The following TUT7 variants were observed in gnomAD, a reference collection of about 807,000 sequenced individuals.
TUT7 encodes the protein terminal uridylyl transferase 7, also known as terminal uridylyltransferase 7.
Under a neutral mutation model 165.9 loss-of-function variants are expected in TUT7, and 33 were observed. The observed-to-expected ratio is 0.20, with a 90% confidence interval of 0.15 to 0.27. TUT7 has a LOEUF of 0.27. Among genes scored for constraint, TUT7 ranks in the 10% least tolerant of loss-of-function variants. The pLI is 1.00. For synonymous variants in TUT7, 552 were observed against 608.1 expected (o/e 0.91, Z 1.36); for missense variants, 1,338 against 1,762.3 (o/e 0.76, Z 4.31).
intron 5 of TUT7, 62 bp downstream of exon 5, chr9:86,344,913 TTG>T: frequency 7.4e-7 from 1 of 1,349,002 alleles, no homozygotes; most frequent in Middle Eastern, 2.0e-4. Flanking sequence ...AAAATTACTA[TTG>T]GTAGGAGAAA....
intron 1 of TUT7, among the ~76,000 whole-genome samples, chr9:86,353,495 G>C (rs1459672169): frequency 6.6e-6 from 1 of 152,006 alleles, no homozygotes; most frequent in Non-Finnish European, 1.5e-5. Flanking sequence ...AGCTCTATAG[G>C]TTCCAGAACT....
intron 17 of TUT7, among the ~76,000 whole-genome samples, chr9:86,315,863 C>T (rs1019299286): frequency 2.0e-5 from 3 of 151,636 alleles, no homozygotes; most frequent in Non-Finnish European, 4.4e-5. Flanking sequence ...TGGGAATAAA[C>T]CAAAATTAAG....
intron 12 of TUT7, among the ~76,000 whole-genome samples, chr9:86,324,891 G>C (rs934118698): frequency 6.6e-6 from 1 of 152,186 alleles, no homozygotes; most frequent in East Asian, 1.9e-4. Flanking sequence ...CTCTCTACTG[G>C]AGAGGAATCC....
intron 26 of TUT7, among the ~76,000 whole-genome samples, chr9:86,294,222 A>AAG (rs1299321229): frequency 6.6e-6 from 1 of 151,588 alleles, no homozygotes; most frequent in Non-Finnish European, 1.5e-5. Flanking sequence ...TTTACAAAAG[A>AAG]AAGGCGTATC....
intron 17 of TUT7, among the ~76,000 whole-genome samples, chr9:86,315,445 G>A (rs1463357983): frequency 1.3e-5 from 2 of 152,158 alleles, no homozygotes; most frequent in African/African-American, 4.8e-5. Flanking sequence ...GCAAAAGATG[G>A]AATGATGAAT....
chr9:86,343,338 CTTAAT>C (rs1363197777), intron 5 of TUT7, among the ~76,000 whole-genome samples, 175 bp from the exon 6 acceptor site: 9 of 152,148 alleles, frequency 5.9e-5, no homozygotes, highest in Non-Finnish European at 7.4e-5. Context: ...TTGCTCTTCA[CTTAAT>C]TTAATAGGGA....
At chr9:86,308,347 G>C in intron 22 of TUT7, 82 bp downstream of exon 22, 1 of 1,286,590 alleles carries the variant, frequency 7.8e-7, no homozygotes, top group Non-Finnish European at 1.1e-6. Context: ...GCAGCTGGAA[G>C]AGCTCTGCAA....
rs1245079995 is a variant in TUT7, at chr9:86,310,724, G to A, written c.3360C>T (p.Ile1120=). 1.2e-6 allele frequency: 2 copies of A among 1,606,234 alleles called. No individual in the cohort carries two copies. Among genetic ancestry groups the A allele is most frequent in the Non-Finnish European group, 8.5e-7 (1 of 1,172,924 alleles). ...ATCTTACCAATGTGTTATACAAACT[G>A]ATATCTACTTCCAGACCACTTCTCA... ...FHLRSGLEVD[I]SLYNTLALHN... is the part of the protein sequence containing the mutation. The change falls in exon 18 of 27, where the codon ATC becomes ATT. Residue 1120 remains isoleucine, a synonymous_variant. Coordinates refer to ENST00000375963, the MANE Select transcript of TUT7 (RefSeq NM_024617.4).
chr9:86,301,699 G>C (rs1826921514), intron 25 of TUT7, 98 bp from the exon 26 acceptor site: 1 of 1,512,248 alleles, frequency 6.6e-7, no homozygotes, highest in Non-Finnish European at 8.8e-7. Flanking sequence ...AGATTTAAGA[G>C]ATGACCAGGA....
At chr9:86,314,114 G>C (rs1828489472) in intron 17 of TUT7, among the ~76,000 whole-genome samples, 1 of 152,112 alleles carries the variant, frequency 6.6e-6, no homozygotes, top group Admixed American at 6.5e-5. Flanking sequence ...TGACTTTTTG[G>C]GATTGCACAG....
At position 86,341,170 on chromosome 9, in the gene TUT7, CAAAGT is replaced by C. The variant is rs910812925; in HGVS notation, c.1087-122_1087-118del. ...CTAAATGAGAAATGCACATTGCTAT[CAAAGT>C]AAAGAAATTACTCACTATGTTGTTT... On this transcript the variant is annotated intron_variant, in intron 6 of 26. Coordinates refer to ENST00000375963, the MANE Select transcript of TUT7 (RefSeq NM_024617.4). The C allele has an allele frequency of 8.6e-6, 7 of 812,872 alleles. No individual in the cohort carries two copies. The African/African-American group carries it at 1.2e-4, about 14-fold the overall frequency. The allele number at this position is 812,872 out of a possible 1,614,324, so 50.4% of individuals were successfully genotyped here. A position where few individuals can be genotyped will look rare whatever the true frequency, so the allele number is the denominator to read the frequency against.
chr9:86,309,100 C>T lies in TUT7; in HGVS notation c.3660+112G>A, dbSNP rs1454496637. The T allele has an allele frequency of 4.2e-5, 28 of 672,400 alleles. 1 individual carries two copies. The highest frequency in any genetic ancestry group is 5.1e-6 in the Non-Finnish European group (2 of 391,930). The allele number at this position is 672,400 out of a possible 1,614,324, so 41.7% of individuals were successfully genotyped here. A position where few individuals can be genotyped will look rare whatever the true frequency, so the allele number is the denominator to read the frequency against. On this transcript the variant is annotated intron_variant, in intron 21 of 26. Coordinates refer to ENST00000375963, the MANE Select transcript of TUT7 (RefSeq NM_024617.4). ...CTGAAAACACTATTTTTTTTACTAT[C>T]ATAAGATATATAAATACAACAAGCA...
At chr9:86,319,203 A>G (rs1829001763) in intron 15 of TUT7, 145 bp from the exon 16 acceptor site, 1 of 596,042 alleles carries the variant, frequency 1.7e-6, no homozygotes, top group Non-Finnish European at 2.9e-6. Context: ...TTAACTGGTC[A>G]TTTATGCTAA....
chr9:86,323,755 T>C lies in TUT7; in HGVS notation c.1995A>G (p.Gln665=). ...KEVINHHPDV[Q]TKDDKLKNSV... ...AGTTTTTGAGCTTATCATCTTTTGT[T>C]TGTACATCTGGATGATGATTTATTA... The change falls in exon 13 of 27, where the codon CAA becomes CAG. Residue 665 remains glutamine, a synonymous_variant. Transcript: ENST00000375963. 1.2e-6 allele frequency: 2 copies of C among 1,613,684 alleles called. No homozygotes were observed. Among genetic ancestry groups the C allele is most frequent in the Admixed American group, 1.7e-5 (1 of 59,952 alleles).
rs756546971 is a variant in TUT7 at position 86,301,599 on chromosome 9, A to G, written c.4097T>C (p.Val1366Ala). 5.0e-6 allele frequency: 8 copies of G among 1,611,028 alleles called. No homozygotes were observed. The highest frequency in any genetic ancestry group is 1.7e-6 in the Non-Finnish European group (2 of 1,179,326). ...FMKDCPMRRK[V>A]RRRRDQEDAL... Reference sequence around the variant, plus strand: ...ATCTTCCTGATCTCGCCGCCGTCTTACTCTGTAGAAGATATCATATTAGTA... The same window carrying G: ...ATCTTCCTGATCTCGCCGCCGTCTTGCTCTGTAGAAGATATCATATTAGTA... The change falls in exon 26 of 27, where the codon GTA (valine) becomes GCA (alanine). Residue 1366 changes from valine to alanine, a missense_variant and splice_region_variant. Physicochemically the swap from Val to Ala is moderately conservative, Grantham distance 64. Coordinates refer to ENST00000375963, the MANE Select transcript of TUT7 (RefSeq NM_024617.4).
At position 86,312,522 on chromosome 9, in the gene TUT7, C is replaced by T. The variant is rs572738167; in HGVS notation, c.3275-1713G>A. ...CAGTCCCCCGCCCGGCCAGCTGCCC[C>T]GTCTGGGAGGTGAGGGGCGCCTCTG... On this transcript the variant is annotated intron_variant, in intron 17 of 26. Transcript: ENST00000375963. Among the ~76,000 whole-genome samples, 751 of 151,924 alleles carry T rather than the reference C, an allele frequency of 4.9e-3. 4 individuals carry two copies. Among genetic ancestry groups the T allele is most frequent in the African/African-American group, 0.017 (716 of 41,416 alleles).
chr9:86,303,056 C>A, intron 25 of TUT7, 30 bp downstream of exon 25: 1 of 1,121,502 alleles, frequency 8.9e-7, no homozygotes, highest in Non-Finnish European at 1.3e-6. Context: ...AAAATAAAAA[C>A]ACAACCAACC....
chr9:86,348,936 T>C (rs371566789), intron 2 of TUT7, among the ~76,000 whole-genome samples: 3 of 152,156 alleles, frequency 2.0e-5, no homozygotes, highest in African/African-American at 4.8e-5. Flanking sequence ...TGGTAAAAAC[T>C]GTCAAAATCT....
At position 86,296,636 on chromosome 9, in the gene TUT7, G is replaced by A. The variant is rs74883008; in HGVS notation, c.4420+4640C>T. Reference sequence around the variant, plus strand: ...CTTCTTAGCACCCTATGAGATAAACGGTGTTAACACCAATTTTATAGATGA... The same window carrying A: ...CTTCTTAGCACCCTATGAGATAAACAGTGTTAACACCAATTTTATAGATGA... On this transcript the variant is annotated intron_variant, in intron 26 of 26. Transcript: ENST00000375963. Among the ~76,000 whole-genome samples, 146 of 152,246 alleles carry A rather than the reference G, an allele frequency of 9.6e-4. 1 individual carries two copies. In the East Asian group the frequency reaches 0.025, roughly 26 times the overall value.
Sources: allele counts gnomAD v4.1 joint callset (sites outside exome capture counted in the v4.1 genomes callset), GRCh38; gene constraint gnomAD v4.1.1; transcripts MANE v1.5; gene names NCBI Gene and HGNC (gene_info 2026-07-23, HGNC 2026-07-21).